The following CFAP97D2 variants were observed in gnomAD, a reference collection of about 807,000 sequenced individuals.
CFAP97D2 encodes uncharacterized protein CFAP97D2.
In CFAP97D2 at chr13:114,186,939, G is replaced by A. The variant is rs544510635; in HGVS notation, c.90+7519G>A. Among the ~76,000 whole-genome samples, 2 of 152,354 alleles carry A rather than the reference G, an allele frequency of 1.3e-5. No homozygotes were observed. Among genetic ancestry groups the A allele is most frequent in the South Asian group, 4.1e-4 (2 of 4,828 alleles). On this transcript the variant is annotated intron_variant, in intron 1 of 4. Coordinates refer to ENST00000646158, the Ensembl canonical transcript of CFAP97D2. The surrounding 1 kb of genome is among the most constrained non-coding windows in gnomAD (Gnocchi z 4.3). Reference sequence around the variant, plus strand: ...CAGTCCAAGTGGGCCCAGTGGGCCCGAGCAAAATTCGGCAAAGGTGCCACC... The same window carrying A: ...CAGTCCAAGTGGGCCCAGTGGGCCCAAGCAAAATTCGGCAAAGGTGCCACC...
chr13:114,184,546 C>A (rs1051302817), intron 1 of CFAP97D2, among the ~76,000 whole-genome samples: 1 of 152,218 alleles, frequency 6.6e-6, no homozygotes, highest in Non-Finnish European at 1.5e-5. Flanking sequence ...CTCACCTCCT[C>A]CAGCCGGTAA....
At chr13:114,198,507 C>A (rs117699910) in intron 2 of CFAP97D2, among the ~76,000 whole-genome samples, 1,744 of 152,358 alleles carry the variant, frequency 0.011, 97 homozygotes, top group Admixed American at 0.081. Context: ...TTAGCACCAC[C>A]GCCACATGTT....
chr13:114,191,691 A>G (rs1012655389), intron 1 of CFAP97D2, among the ~76,000 whole-genome samples: 8 of 152,240 alleles, frequency 5.3e-5, no homozygotes, highest in African/African-American at 1.9e-4. Context: ...GCAGTTGCTT[A>G]CAAAACTAAA....
intron 3 of CFAP97D2, 70 bp downstream of exon 3, chr13:114,200,513 T>C (rs1313825708): frequency 2.5e-6 from 1 of 397,548 alleles, no homozygotes; most frequent in Non-Finnish European, 4.4e-6. Flanking sequence ...GGGTTGGGGA[T>C]GAGCAGAAGA....
intron 1 of CFAP97D2, among the ~76,000 whole-genome samples, chr13:114,182,149 A>G (rs1414843898): frequency 1.4e-5 from 2 of 144,394 alleles, no homozygotes; most frequent in South Asian, 2.2e-4. Context: ...CAGGGTGATA[A>G]TAAGGAGAAG....
chr13:114,196,499 C>T, intron 2 of CFAP97D2, 23 bp downstream of exon 2: 1 of 399,068 alleles, frequency 2.5e-6, no homozygotes, highest in Non-Finnish European at 4.4e-6. Flanking sequence ...TTCTACCTTA[C>T]TTAATGTAAT....
chr13:114,182,875 C>G (rs546447541), intron 1 of CFAP97D2, among the ~76,000 whole-genome samples: 1 of 152,202 alleles, frequency 6.6e-6, no homozygotes, highest in South Asian at 2.1e-4. Context: ...AGAATGGAGT[C>G]TCTTATGTCT....
intron 1 of CFAP97D2, among the ~76,000 whole-genome samples, chr13:114,193,914 G>A (rs976472543): frequency 2.0e-5 from 3 of 152,102 alleles, no homozygotes; most frequent in African/African-American, 7.2e-5. Flanking sequence ...TTACAGGTGT[G>A]AACCACTGCA....
rs2080852516 is a variant in CFAP97D2, at chr13:114,185,963, G to A, written c.90+6543G>A. ...AGCTGGGGAGGGCCTGAAGCCTGGG[G>A]TTCCAGCTGCCTGTCCTGCAAGCCA... On this transcript the variant is annotated intron_variant, in intron 1 of 4. Transcript: ENST00000646158. This position sits in a 1 kb window ranked among gnomAD's most constrained non-coding sequence, Gnocchi z 5.2. 6.6e-6 allele frequency among the ~76,000 whole-genome samples: 1 copy of A among 152,328 alleles called. No homozygotes were observed. Among genetic ancestry groups the A allele is most frequent in the East Asian group, 1.9e-4 (1 of 5,182 alleles).
chr13:114,203,179 T>C lies in CFAP97D2; in HGVS notation c.290+2736T>C, dbSNP rs2080926096. On this transcript the variant is annotated intron_variant, in intron 3 of 4. Transcript: ENST00000646158. This position sits in a 1 kb window ranked among gnomAD's most constrained non-coding sequence, Gnocchi z 4.3. Reference sequence around the variant, plus strand: ...CTTGCATATAGAAAATCTTAAGGAATGCACTAAAAAGCTGTAGAACTAATC... The same window carrying C: ...CTTGCATATAGAAAATCTTAAGGAACGCACTAAAAAGCTGTAGAACTAATC... 6.6e-6 allele frequency among the ~76,000 whole-genome samples: 1 copy of C among 152,220 alleles called. No homozygotes were observed. Among genetic ancestry groups the C allele is most frequent in the African/African-American group, 2.4e-5 (1 of 41,464 alleles).
At chr13:114,188,611 A>G (rs2080858759) in intron 1 of CFAP97D2, among the ~76,000 whole-genome samples, 1 of 151,920 alleles carries the variant, frequency 6.6e-6, no homozygotes, top group South Asian at 2.1e-4. Flanking sequence ...CCCCGTCTCC[A>G]CTAAACATAC....
Position 114,211,897 on chromosome 13 carries a change from T to C in CFAP97D2, c.291-15T>C, listed in dbSNP as rs1307102922. On this transcript the variant is annotated splice_polypyrimidine_tract_variant and intron_variant, in intron 3 of 4. Transcript: ENST00000646158. The surrounding 1 kb of genome is among the most constrained non-coding windows in gnomAD (Gnocchi z 4.2). ...TAAAATCCAAATTTCAAAATGTGTG[T>C]GCTCTTTCGTGGAGTCTGCACAGGG... is the stretch of plus-strand genomic sequence containing the variant. 7.5e-6 allele frequency: 3 copies of C among 398,716 alleles called. No individual in the cohort carries two copies. The highest frequency in any genetic ancestry group is 4.4e-6 in the Non-Finnish European group (1 of 226,134). 24.7% of individuals were successfully genotyped at this position (398,716 alleles called of 1,614,324 possible). A position where few individuals can be genotyped will look rare whatever the true frequency, so the allele number is the denominator to read the frequency against.
chr13:114,188,432 TAGAAA>T (rs909372199), intron 1 of CFAP97D2, among the ~76,000 whole-genome samples: 8 of 151,968 alleles, frequency 5.3e-5, no homozygotes, highest in African/African-American at 1.9e-4. Flanking sequence ...ATGCATATAT[TAGAAA>T]AGAAGAAAGA....
At chr13:114,213,799 C>CTAACCCT (rs1566616650) in intron 4 of CFAP97D2, among the ~76,000 whole-genome samples, 1 of 136,502 alleles carries the variant, frequency 7.3e-6, no homozygotes. Context: ...GGACAAGCTC[C>CTAACCCT]AGGACCACAG....
exon 3 of CFAP97D2, chr13:114,200,345 C>A: frequency 2.5e-6 from 1 of 398,642 alleles, no homozygotes; most frequent in Non-Finnish European, 4.4e-6. Context: ...AACGGCTCTC[C>A]GTCATCGAGA....
intron 3 of CFAP97D2, among the ~76,000 whole-genome samples, chr13:114,200,725 T>A (rs1246050614): frequency 6.6e-6 from 1 of 152,214 alleles, no homozygotes; most frequent in Admixed American, 6.5e-5. Flanking sequence ...TGCTAAGCGC[T>A]TGACTCAGAA....
rs2080925267 is a variant in CFAP97D2 at position 114,203,000 on chromosome 13, G to A, written c.290+2557G>A. Among the ~76,000 whole-genome samples, 5 of 152,302 alleles carry A rather than the reference G, an allele frequency of 3.3e-5. No homozygotes were observed. In the South Asian group the frequency reaches 1.0e-3, roughly 32 times the overall value. ...TCTGAGATTTTGCCCAGAGGAAGAAGCAGACCCTCGTAACAGCTCCCATTC... is the reference window on the plus strand; with the variant it reads ...TCTGAGATTTTGCCCAGAGGAAGAAACAGACCCTCGTAACAGCTCCCATTC... On this transcript the variant is annotated intron_variant, in intron 3 of 4. Transcript: ENST00000646158.
chr13:114,200,860 AC>A (rs1384170719), intron 3 of CFAP97D2, among the ~76,000 whole-genome samples: 2 of 152,206 alleles, frequency 1.3e-5, no homozygotes, highest in Admixed American at 1.3e-4. Flanking sequence ...CACAGGCTGT[AC>A]CCCAGCCCTG....
chr13:114,197,795 GC>G (rs1344943111), intron 2 of CFAP97D2, among the ~76,000 whole-genome samples: 1 of 144,434 alleles, frequency 6.9e-6, no homozygotes, highest in Admixed American at 6.7e-5. Flanking sequence ...TGATTCTCCT[GC>G]CTCAGCCTGC....
Sources: allele counts gnomAD v4.1 joint callset (sites outside exome capture counted in the v4.1 genomes callset), GRCh38; gene constraint gnomAD v4.1.1; non-coding constraint Gnocchi (gnomAD v3.1); transcripts MANE v1.5; gene names NCBI Gene and HGNC (gene_info 2026-07-23, HGNC 2026-07-21).